Variants in SHANK2 observed in about 807,000 individuals in gnomAD.
SHANK2 encodes the protein SH3 and multiple ankyrin repeat domains 2, also known as SH3 and multiple ankyrin repeat domains protein 2.
In SHANK2, 43 loss-of-function variants were observed where a neutral mutation model predicts 133.7. The observed-to-expected ratio is 0.32, with a 90% CI of 0.25 to 0.41. The LOEUF (loss-of-function observed/expected upper bound fraction) is 0.41, where lower values mean the gene tolerates loss of function less well. Ranked by LOEUF, SHANK2 falls within the 10% of genes least tolerant of loss-of-function variation. The probability of loss-of-function intolerance (pLI) is 1.00; values close to 1 mark genes in which losing one functional copy is unlikely to be tolerated. For missense variants in SHANK2, 1,994 were observed against 2,235.8 expected, an observed-to-expected ratio of 0.89 and a Z score of 2.18; for synonymous variants, 1,017 against 952.8, an observed-to-expected ratio of 1.07 and a Z score of -1.24.
At chr11:71,177,125 A>AT (rs1555113212) in intron 2 of SHANK2, among the ~76,000 whole-genome samples, 3 of 152,018 alleles carry the variant, frequency 2.0e-5, no homozygotes, top group Non-Finnish European at 4.4e-5. Flanking sequence ...TTCAGAAATG[A>AT]AGTAGCCGAA....
intron 2 of SHANK2, among the ~76,000 whole-genome samples, chr11:71,168,312 C>T (rs1590981875): frequency 7.3e-6 from 1 of 137,010 alleles, no homozygotes; most frequent in Admixed American, 6.9e-5. Context: ...GGGATGGCGG[C>T]CGGGCAGAGA....
chr11:70,876,241 TAGAC>T (rs1239561425), intron 11 of SHANK2, among the ~76,000 whole-genome samples: 2,516 of 14,768 alleles, frequency 0.17, 80 homozygotes, highest in African/African-American at 0.24. Context: ...CACACACATA[TAGAC>T]ACACACACAC....
chr11:71,072,944 T>G (rs1259983351), intron 9 of SHANK2, among the ~76,000 whole-genome samples: 1 of 151,968 alleles, frequency 6.6e-6, no homozygotes, highest in East Asian at 1.9e-4. Context: ...TTTGCAAGAT[T>G]AAGAGAGTTC....
At chr11:71,140,456 G>A (rs782333562) in intron 3 of SHANK2, among the ~76,000 whole-genome samples, 6 of 152,344 alleles carry the variant, frequency 3.9e-5, no homozygotes, top group South Asian at 2.1e-4. Context: ...CAAGGAAAGC[G>A]TCAAACAGGC....
At chr11:70,597,283 C>T (rs971645678) in intron 17 of SHANK2, among the ~76,000 whole-genome samples, 2 of 152,152 alleles carry the variant, frequency 1.3e-5, no homozygotes, top group African/African-American at 4.8e-5. Flanking sequence ...TGAGCTACTC[C>T]CTTCCACTAC....
In SHANK2 at chr11:70,739,704, C is replaced by A. The variant is rs1265564773; in HGVS notation, c.1778-40941G>T. 2.0e-5 allele frequency among the ~76,000 whole-genome samples: 3 copies of A among 152,214 alleles called. No individual in the cohort carries two copies. The highest frequency in any genetic ancestry group is 4.4e-5 in the Non-Finnish European group (3 of 68,024). ...CAAATTCATATGCTGAAAGCCTAAC[C>A]CCTGCTCCTCAGAATGTGACTGTAT... On this transcript the variant is annotated intron_variant, in intron 14 of 25. Transcript: ENST00000601538. This position sits in a 1 kb window ranked among gnomAD's most constrained non-coding sequence, Gnocchi z 4.3.
intron 10 of SHANK2, among the ~76,000 whole-genome samples, chr11:70,926,946 A>C (rs1399537817): frequency 6.6e-6 from 1 of 152,166 alleles, no homozygotes; most frequent in Non-Finnish European, 1.5e-5. Flanking sequence ...TCTGATCCTT[A>C]CTTACCAATA....
At chr11:70,765,029 A>G (rs1947089204) in intron 14 of SHANK2, among the ~76,000 whole-genome samples, 1 of 152,236 alleles carries the variant, frequency 6.6e-6, no homozygotes, top group South Asian at 2.1e-4. Flanking sequence ...GCCCAAGGGA[A>G]GAAGACTACA....
chr11:70,534,070 T>C (rs1368664712), intron 17 of SHANK2, among the ~76,000 whole-genome samples: 1 of 152,224 alleles, frequency 6.6e-6, no homozygotes, highest in East Asian at 1.9e-4. Context: ...AAGGCCAGTA[T>C]CTGCTAGGCG....
intron 2 of SHANK2, among the ~76,000 whole-genome samples, chr11:71,220,048 A>AC (rs1300973523): frequency 2.9e-4 from 44 of 151,248 alleles, no homozygotes; most frequent in African/African-American, 4.1e-4. Flanking sequence ...ACATAGTGAG[A>AC]CCCCCCCACC....
chr11:70,831,115 G>T (rs1006661564), intron 11 of SHANK2, among the ~76,000 whole-genome samples: 21 of 152,292 alleles, frequency 1.4e-4, no homozygotes, highest in Non-Finnish European at 2.6e-4. Flanking sequence ...GGGCAGGCGG[G>T]TAGCAGAGAG....
intron 2 of SHANK2, among the ~76,000 whole-genome samples, chr11:71,196,377 C>T (rs1373240169): frequency 6.6e-6 from 1 of 152,038 alleles, no homozygotes; most frequent in African/African-American, 2.4e-5. Flanking sequence ...CCTCTGCCTC[C>T]TGGGCTCAAG....
intron 8 of SHANK2, among the ~76,000 whole-genome samples, chr11:71,085,525 ATAT>A (rs1400145235): frequency 0.046 from 5,025 of 109,886 alleles, 149 homozygotes; most frequent in East Asian, 0.13. Flanking sequence ...TATATGCTAT[ATAT>A]TATATTATAT....
intron 14 of SHANK2, among the ~76,000 whole-genome samples, chr11:70,717,297 G>A (rs17344089): frequency 0.36 from 55,307 of 151,970 alleles, 11,094 homozygotes; most frequent in Non-Finnish European, 0.46. Flanking sequence ...GTTAACCACA[G>A]TGCTTACTAG....
chr11:70,615,362 C>T (rs1200063825), intron 17 of SHANK2, among the ~76,000 whole-genome samples: 2 of 152,128 alleles, frequency 1.3e-5, no homozygotes, highest in African/African-American at 4.8e-5. Context: ...TTAAGAATAA[C>T]CATAGAATGT....
chr11:71,164,687 C>T (rs1444750724), intron 2 of SHANK2, among the ~76,000 whole-genome samples: 5 of 152,228 alleles, frequency 3.3e-5, no homozygotes, highest in African/African-American at 1.2e-4. Context: ...TGTTACTAAA[C>T]ATATTTAGTG....
At chr11:70,708,594 G>T (rs1945714864) in intron 14 of SHANK2, among the ~76,000 whole-genome samples, 1 of 152,178 alleles carries the variant, frequency 6.6e-6, no homozygotes, top group Non-Finnish European at 1.5e-5. Flanking sequence ...CCATGACAAA[G>T]ACAGTGAGGC....
At chr11:71,160,838 AC>A (rs1952999265) in intron 2 of SHANK2, among the ~76,000 whole-genome samples, 1 of 152,184 alleles carries the variant, frequency 6.6e-6, no homozygotes, top group East Asian at 1.9e-4. Context: ...CAGCAATGAC[AC>A]CTTAAATGAC....
chr11:70,552,135 G>A (rs1465922030), intron 17 of SHANK2, among the ~76,000 whole-genome samples: 1 of 152,266 alleles, frequency 6.6e-6, no homozygotes, highest in Non-Finnish European at 1.5e-5. Flanking sequence ...CATGGAGGAG[G>A]AGGCTTTGAC....
Sources: allele counts gnomAD v4.1 joint callset (sites outside exome capture counted in the v4.1 genomes callset), GRCh38; gene constraint gnomAD v4.1.1; non-coding constraint Gnocchi (gnomAD v3.1); transcripts MANE v1.5; gene names NCBI Gene and HGNC (gene_info 2026-07-23, HGNC 2026-07-21).